SEMA3A: variants seen among roughly 807,000 people sequenced by gnomAD.
SEMA3A encodes the protein semaphorin 3A.
A neutral mutation model predicts 97.9 loss-of-function variants in SEMA3A; 29 were observed. The observed-to-expected ratio is 0.30, with a 90% CI of 0.22 to 0.40. SEMA3A has a LOEUF of 0.40. Among genes scored for constraint, SEMA3A ranks in the 10% least tolerant of loss-of-function variants. The probability of loss-of-function intolerance (pLI) is 1.00; values close to 1 mark genes in which losing one functional copy is unlikely to be tolerated. For missense variants in SEMA3A, 763 were observed against 951.3 expected (o/e 0.80, Z 2.60); for synonymous variants, 321 against 323.7 (o/e 0.99, Z 0.09).
intron 3 of SEMA3A, chr7:84,307,064 A>C (rs1801177598): frequency 6.6e-6 from 1 of 152,114 alleles, no homozygotes; most frequent in Admixed American, 6.6e-5. Context: ...AATTCTACAG[A>C]AGACTATATA....
intron 2 of SEMA3A, among the ~76,000 whole-genome samples, chr7:84,334,566 T>A (rs1287052336): frequency 1.3e-5 from 2 of 152,080 alleles, no homozygotes; most frequent in African/African-American, 2.4e-5. Flanking sequence ...TCCTCCTTGC[T>A]TCCTGTTTTG....
intron 9 of SEMA3A, among the ~76,000 whole-genome samples, chr7:84,010,508 C>T (rs988902088): frequency 5.9e-5 from 9 of 152,090 alleles, no homozygotes; most frequent in African/African-American, 2.2e-4. Context: ...TCCCCAGATT[C>T]CCATGCTAAT....
At chr7:84,179,708 T>G in intron 1 of SEMA3A, among the ~76,000 whole-genome samples, 1 of 152,200 alleles carries the variant, frequency 6.6e-6, no homozygotes, top group African/African-American at 2.4e-5. Flanking sequence ...CAATCATACT[T>G]AATACATCTC....
intron 1 of SEMA3A, among the ~76,000 whole-genome samples, chr7:84,462,331 G>A (rs1805867950): frequency 6.6e-6 from 1 of 152,112 alleles, no homozygotes; most frequent in Admixed American, 6.5e-5. Context: ...CTAGGGGGCT[G>A]AAATTAATCA....
intron 1 of SEMA3A, among the ~76,000 whole-genome samples, chr7:84,486,406 A>T (rs1806575220): frequency 6.6e-6 from 1 of 152,150 alleles, no homozygotes; most frequent in Admixed American, 6.5e-5. Context: ...AAACAAAAAC[A>T]AATACAAAAA....
intron 1 of SEMA3A, among the ~76,000 whole-genome samples, chr7:84,163,740 T>C (rs1797116711): frequency 6.6e-6 from 1 of 152,094 alleles, no homozygotes; most frequent in Admixed American, 6.6e-5. Context: ...AAATTCACGA[T>C]CCGCTTCCAA....
intron 1 of SEMA3A, among the ~76,000 whole-genome samples, chr7:84,409,344 A>C (rs1584301731): frequency 6.6e-6 from 1 of 151,928 alleles, no homozygotes; most frequent in South Asian, 2.1e-4. Flanking sequence ...TTTAAAATAA[A>C]AAAATTATAG....
upstream of SEMA3A, chr7:84,195,404 T>C (rs1798198810): frequency 1.3e-5 from 2 of 150,362 alleles, 1 homozygote; most frequent in South Asian, 4.2e-4. Flanking sequence ...CCTGCTGAAC[T>C]TGTGCATTGT....
At chr7:84,430,497 T>C (rs1288313941) in intron 1 of SEMA3A, among the ~76,000 whole-genome samples, 1 of 151,908 alleles carries the variant, frequency 6.6e-6, no homozygotes, top group African/African-American at 2.4e-5. Flanking sequence ...TGGGCAAAAA[T>C]AAAAATTATT....
intron 1 of SEMA3A, among the ~76,000 whole-genome samples, chr7:84,390,833 C>G (rs1312470676): frequency 6.6e-6 from 1 of 152,116 alleles, no homozygotes; most frequent in Non-Finnish European, 1.5e-5. Flanking sequence ...GGCTGAACTG[C>G]TGGTGAATGA....
chr7:83,988,388 G>A (rs1242208567), intron 12 of SEMA3A, among the ~76,000 whole-genome samples: 1 of 151,854 alleles, frequency 6.6e-6, no homozygotes, highest in Non-Finnish European at 1.5e-5. Context: ...CACCACGACT[G>A]GCTAATTTTT....
intron 3 of SEMA3A, among the ~76,000 whole-genome samples, chr7:84,206,837 TA>T (rs67630965): frequency 0.27 from 37,900 of 141,458 alleles, 4,924 homozygotes; most frequent in African/African-American, 0.31. Context: ...CAGGATATGG[TA>T]AAAAAAAAAA....
chr7:84,351,302 A>G (rs1755476417), intron 2 of SEMA3A, among the ~76,000 whole-genome samples: 2 of 152,182 alleles, frequency 1.3e-5, no homozygotes, highest in Admixed American at 6.5e-5. Context: ...GGTTTCCTCC[A>G]AAGATGTCAC....
chr7:84,069,244 C>T (rs1338358721), intron 4 of SEMA3A, among the ~76,000 whole-genome samples: 4 of 152,088 alleles, frequency 2.6e-5, no homozygotes, highest in Non-Finnish European at 5.9e-5. Context: ...CTGGCTGTGC[C>T]TTTTATTGGC....
chr7:83,973,034 G>T (rs569511939), intron 15 of SEMA3A, among the ~76,000 whole-genome samples: 19 of 151,994 alleles, frequency 1.3e-4, no homozygotes, highest in Non-Finnish European at 2.6e-4. Flanking sequence ...TCTTACAATT[G>T]TTCTTGATCT....
intron 3 of SEMA3A, among the ~76,000 whole-genome samples, chr7:84,277,087 T>A (rs1219697857): frequency 6.6e-6 from 1 of 152,154 alleles, no homozygotes; most frequent in Non-Finnish European, 1.5e-5. Flanking sequence ...ACATGTAAGA[T>A]AAGATTGGAC....
Position 83,957,121 on chromosome 7 carries a change from CAAAT to C in SEMA3A, c.*4246_*4249del, listed in dbSNP as rs1788302913. 6.6e-6 allele frequency: 1 copy of C among 152,464 alleles called. No individual in the cohort carries two copies. The highest frequency in any genetic ancestry group is 1.9e-4 in the East Asian group (1 of 5,172). 9.4% of individuals were successfully genotyped at this position (152,464 alleles called of 1,614,324 possible). Reference sequence around the variant, plus strand: ...CTAGAAATGGAGATGGAAACATAAACAAATAAATCACACATTGGGGTAGTGTGAC... The same window carrying C: ...CTAGAAATGGAGATGGAAACATAAACAAATCACACATTGGGGTAGTGTGAC... On this transcript the variant is annotated 3_prime_UTR_variant, in exon 17 of 17. Transcript: ENST00000265362.
chr7:84,465,519 AT>A (rs1805968527), intron 1 of SEMA3A, among the ~76,000 whole-genome samples: 1 of 152,122 alleles, frequency 6.6e-6, no homozygotes, highest in East Asian at 2.0e-4. Flanking sequence ...CATAAAGAAA[AT>A]TTCCATTTTG....
At chr7:84,258,845 T>A (rs991044793) in intron 3 of SEMA3A, among the ~76,000 whole-genome samples, 1 of 152,078 alleles carries the variant, frequency 6.6e-6, no homozygotes. Context: ...GGTACTGCTA[T>A]AGGAAACTTG....
Sources: allele counts gnomAD v4.1 joint callset (sites outside exome capture counted in the v4.1 genomes callset), GRCh38; gene constraint gnomAD v4.1.1; transcripts MANE v1.5; gene names NCBI Gene and HGNC (gene_info 2026-07-23, HGNC 2026-07-21).